Variants in SYN2 observed in about 807,000 individuals in gnomAD.
SYN2 encodes synapsin-2.
SYN2 carries 19 observed loss-of-function variants against 50.9 expected under a neutral mutation model. The ratio of observed to expected loss-of-function variants is 0.37; its 90% CI spans 0.26 to 0.55. The LOEUF is 0.55. Ranked by LOEUF, SYN2 falls within the 20% of genes least tolerant of loss-of-function variation. The pLI, the probability that SYN2 is intolerant of heterozygous loss-of-function variation, is 0.81. For missense variants in SYN2, 587 were observed against 576.4 expected (o/e 1.02, Z -0.19); for synonymous variants, 255 against 224.9 (o/e 1.13, Z -1.20).
At chr3:12,108,623 C>T (rs1055803626) in intron 1 of SYN2, among the ~76,000 whole-genome samples, 6 of 152,146 alleles carry the variant, frequency 3.9e-5, no homozygotes, top group African/African-American at 9.7e-5. Flanking sequence ...TACAGAGTCC[C>T]TCTTTTTTGT....
intron 1 of SYN2, among the ~76,000 whole-genome samples, chr3:12,139,954 G>A (rs1186730708): frequency 2.6e-5 from 4 of 152,162 alleles, no homozygotes; most frequent in African/African-American, 9.7e-5. Context: ...ATTAATGTGA[G>A]GTTCCTCTAG....
At chr3:12,138,989 G>T (rs1276603413) in intron 1 of SYN2, among the ~76,000 whole-genome samples, 1 of 152,202 alleles carries the variant, frequency 6.6e-6, no homozygotes, top group Non-Finnish European at 1.5e-5. Context: ...CAAAGAAAGG[G>T]AATATACTAC....
chr3:12,134,536 A>T (rs1038081254), intron 1 of SYN2, among the ~76,000 whole-genome samples: 1 of 152,098 alleles, frequency 6.6e-6, no homozygotes, highest in African/African-American at 2.4e-5. Flanking sequence ...ATTCTTTAAG[A>T]CTCAGTTCAG....
chr3:12,158,148 C>T (rs1258230932), intron 5 of SYN2, among the ~76,000 whole-genome samples: 5 of 152,158 alleles, frequency 3.3e-5, no homozygotes, highest in Non-Finnish European at 5.9e-5. Flanking sequence ...GCTGAGGCGG[C>T]ACCAAGGAGC....
At chr3:12,167,556 C>T (rs1697833149) in intron 8 of SYN2, among the ~76,000 whole-genome samples, 1 of 152,060 alleles carries the variant, frequency 6.6e-6, no homozygotes. Context: ...CAGATGCTGG[C>T]ACCATGCTTT....
chr3:12,190,515 T>G lies in SYN2; in HGVS notation c.1639T>G (p.Phe547Val), dbSNP rs372489249. The G allele has an allele frequency of 1.5e-5, 24 of 1,613,862 alleles. No homozygotes were observed. In the East Asian group the frequency reaches 4.7e-4, roughly 31 times the overall value. The change falls in exon 13 of 13, where the codon TTC becomes GTC. Residue 547 changes from phenylalanine (F) to valine (V), a missense_variant. Phe to Val is a conservative substitution (Grantham distance 50). Transcript: ENST00000621198. Reference sequence around the variant, plus strand: ...CAAGTCGCAGTCCCTGACAAATGCCTTCAGCTTCTCTGAGTCCTCCTTCTT... The same window carrying G: ...CAAGTCGCAGTCCCTGACAAATGCCGTCAGCTTCTCTGAGTCCTCCTTCTT... ...LNKSQSLTNA[F>V]SFSESSFFRS...
Position 12,191,203 on chromosome 3 carries a change from A to T in SYN2, c.*578A>T. ...GGTGAAGCACCTTGAGTCTGCTGAT[A>T]TTCGGGAGAACAAGGATCTGCAGTT... On this transcript the variant is annotated 3_prime_UTR_variant, in exon 13 of 13. Transcript: ENST00000621198. The T allele has an allele frequency of 4.1e-6, 4 of 983,730 alleles. No homozygotes were observed. The highest frequency in any genetic ancestry group is 4.8e-6 in the Non-Finnish European group (4 of 828,392). 60.9% of individuals were successfully genotyped at this position (983,730 alleles called of 1,614,324 possible).
At chr3:12,009,316 T>C (rs1392103323) in intron 1 of SYN2, among the ~76,000 whole-genome samples, 1 of 146,514 alleles carries the variant, frequency 6.8e-6, no homozygotes, top group Non-Finnish European at 1.5e-5. Flanking sequence ...AATCTAGAAC[T>C]TTAATCTCTC....
chr3:12,072,719 C>T (rs781165720), intron 1 of SYN2, among the ~76,000 whole-genome samples: 3 of 152,136 alleles, frequency 2.0e-5, no homozygotes, highest in African/African-American at 7.2e-5. Flanking sequence ...CTTCCATATT[C>T]ATCCTGTTTT....
chr3:12,181,386 C>A (rs1018094594), intron 10 of SYN2, among the ~76,000 whole-genome samples: 3 of 152,162 alleles, frequency 2.0e-5, no homozygotes, highest in African/African-American at 7.2e-5. Context: ...CTGTCTCTGA[C>A]CATGAGAGGC....
chr3:12,075,972 T>G (rs1426260089), intron 1 of SYN2, among the ~76,000 whole-genome samples: 2 of 152,160 alleles, frequency 1.3e-5, no homozygotes, highest in East Asian at 3.8e-4. Context: ...GTTAATTCAC[T>G]TAATCTTCAC....
intron 9 of SYN2, 150 bp from the exon 10 acceptor site, chr3:12,169,607 C>A (rs1374968319): frequency 8.2e-6 from 7 of 856,488 alleles, no homozygotes; most frequent in African/African-American, 6.9e-5. Flanking sequence ...CCTATTTCTG[C>A]AAATGATCAC....
At chr3:12,152,093 C>G (rs1262978834) in intron 5 of SYN2, among the ~76,000 whole-genome samples, 1 of 152,144 alleles carries the variant, frequency 6.6e-6, no homozygotes, top group East Asian at 1.9e-4. Context: ...CGAAGCATTC[C>G]AAGTGGAACA....
rs1693757593 is a variant in SYN2, at chr3:12,004,850, T to G, written c.299T>G (p.Val100Gly). 1 of 543,402 alleles carries G rather than the reference T, an allele frequency of 1.8e-6. No individual in the cohort carries two copies. The highest frequency in any genetic ancestry group is 3.3e-6 in the Non-Finnish European group (1 of 306,640). The allele number at this position is 543,402 out of a possible 1,614,324, so 33.7% of individuals were successfully genotyped here. A position where few individuals can be genotyped will look rare whatever the true frequency, so the allele number is the denominator to read the frequency against. ...VKQTAASAGL[V>G]DAPAPAPAAA... is the part of the protein sequence containing the mutation. ...CAGACGGCCGCCTCGGCTGGCCTGG[T>G]GGACGCGCCCGCTCCCGCGCCCGCA... Residue 100 changes from valine (V) to glycine (G), a missense_variant, in exon 1 of 13, where the codon GTG (valine) becomes GGG (glycine). Val to Gly is a moderately radical substitution (Grantham distance 109). Coordinates refer to ENST00000621198, the MANE Select transcript of SYN2 (RefSeq NM_133625.6).
chr3:12,117,508 C>T (rs943985698), intron 1 of SYN2, among the ~76,000 whole-genome samples: 1 of 152,160 alleles, frequency 6.6e-6, no homozygotes, highest in African/African-American at 2.4e-5. Context: ...AGATATATTG[C>T]TCTGAATTTT....
intron 1 of SYN2, among the ~76,000 whole-genome samples, chr3:12,068,296 G>T (rs1231981466): frequency 6.6e-6 from 1 of 152,148 alleles, no homozygotes; most frequent in Non-Finnish European, 1.5e-5. Flanking sequence ...TCCTTAGAAT[G>T]TTGAAGGCAT....
intron 1 of SYN2, among the ~76,000 whole-genome samples, chr3:12,092,253 C>T (rs1695845898): frequency 6.6e-6 from 1 of 152,152 alleles, no homozygotes; most frequent in South Asian, 2.1e-4. Flanking sequence ...TTCAAACTTT[C>T]CTCGCTATAC....
chr3:12,056,112 G>A (rs1694982200), intron 1 of SYN2, among the ~76,000 whole-genome samples: 1 of 151,784 alleles, frequency 6.6e-6, no homozygotes, highest in Non-Finnish European at 1.5e-5. Context: ...GGAAAATAAA[G>A]GGATGCACAG....
intron 1 of SYN2, among the ~76,000 whole-genome samples, chr3:12,039,957 A>G (rs991406819): frequency 6.6e-6 from 1 of 152,166 alleles, no homozygotes; most frequent in African/African-American, 2.4e-5. Flanking sequence ...CTGGGCCTCT[A>G]CCAATGGCCC....
Sources: gnomAD v4.1 joint callset for allele counts (sites outside exome capture counted in the v4.1 genomes callset) on GRCh38, gnomAD v4.1.1 for gene constraint, MANE v1.5 for transcripts, NCBI Gene and HGNC (gene_info 2026-07-23, HGNC 2026-07-21) for gene names.